CRYBA1: variants seen among roughly 807,000 people sequenced by gnomAD.
CRYBA1 encodes the protein beta-crystallin A3.
Under a neutral mutation model 36.2 loss-of-function variants are expected in CRYBA1, and 25 were observed. The ratio of observed to expected loss-of-function variants is 0.69; its 90% confidence interval spans 0.50 to 0.97. The LOEUF (loss-of-function observed/expected upper bound fraction) is 0.97. Among genes scored for constraint, CRYBA1 ranks in the 50% least tolerant of loss-of-function variants. The probability of loss-of-function intolerance (pLI) is 0.00; values close to 1 mark genes in which losing one functional copy is unlikely to be tolerated. For missense variants in CRYBA1, 224 were observed against 276.3 expected, an observed-to-expected ratio of 0.81 and a Z score of 1.34; for synonymous variants, 111 against 90.0, an observed-to-expected ratio of 1.23 and a Z score of -1.32.
intron 3 of CRYBA1, 89 bp from the exon 4 acceptor site, chr17:29,251,975 C>A (rs1314587688): frequency 1.3e-6 from 2 of 1,552,340 alleles, no homozygotes; most frequent in Non-Finnish European, 1.8e-6. Context: ...TTTTACCCCA[C>A]TATTGACTTA....
Position 29,254,445 on chromosome 17 carries a change from C to A in CRYBA1, c.*96C>A. 2 of 1,277,504 alleles carry A rather than the reference C, an allele frequency of 1.6e-6. No homozygotes were observed. The highest frequency in any genetic ancestry group is 2.3e-6 in the Non-Finnish European group (2 of 883,086). The allele number at this position is 1,277,504 out of a possible 1,614,324, so 79.1% of individuals were successfully genotyped here. ...ATGTTCTGCTCACAGACATTGCTTT[C>A]AAATGTTAGCTGCTGAAATCCACAA... is the stretch of plus-strand genomic sequence containing the variant. On this transcript the variant is annotated 3_prime_UTR_variant, in exon 6 of 6. Transcript: ENST00000225387.
chr17:29,249,230 A>C (rs1315104623), intron 2 of CRYBA1, 24 bp downstream of exon 2: 1 of 1,527,194 alleles, frequency 6.5e-7, no homozygotes, highest in Admixed American at 1.7e-5. Context: ...CATCACATCC[A>C]ACAGGGCAGG....
rs1157145388 is a variant in CRYBA1, at chr17:29,249,212, C to T, written c.96+6C>T. 1 of 1,597,204 alleles carries T rather than the reference C, an allele frequency of 6.3e-7. No homozygotes were observed. On this transcript the variant is annotated splice_donor_region_variant and intron_variant, in intron 2 of 5. Coordinates refer to ENST00000225387, the MANE Select transcript of CRYBA1 (RefSeq NM_005208.5). ...GGTCCCTGGGGCCATGGAAGGTAAG[C>T]CCACCCCCATCACATCCAACAGGGC...
chr17:29,247,692 C>A (rs1428551427), intron 1 of CRYBA1, among the ~76,000 whole-genome samples: 1 of 152,206 alleles, frequency 6.6e-6, no homozygotes, highest in Non-Finnish European at 1.5e-5. Flanking sequence ...GGACATCCAA[C>A]CAGAACACAG....
chr17:29,252,525 T>C (rs550471137), intron 4 of CRYBA1, among the ~76,000 whole-genome samples: 2 of 152,248 alleles, frequency 1.3e-5, no homozygotes, highest in Non-Finnish European at 2.9e-5. Context: ...CTTGGCCAGT[T>C]AAATTTCAAT....
At chr17:29,251,441 T>C (rs2153009574) in intron 3 of CRYBA1, among the ~76,000 whole-genome samples, 1 of 152,086 alleles carries the variant, frequency 6.6e-6, no homozygotes, top group East Asian at 1.9e-4. Context: ...CTTGCAACAG[T>C]CACTAGATCC....
chr17:29,247,810 A>G (rs2068909676), intron 1 of CRYBA1, among the ~76,000 whole-genome samples: 1 of 152,210 alleles, frequency 6.6e-6, no homozygotes, highest in Admixed American at 6.5e-5. Flanking sequence ...GGTAGGATCT[A>G]GGAGATAGAA....
rs2153009708 is a variant in CRYBA1 at position 29,253,736 on chromosome 17, G to C, written c.454G>C (p.Gly152Arg). 6.2e-7 allele frequency: 1 copy of C among 1,614,172 alleles called. No individual in the cohort carries two copies. The highest frequency in any genetic ancestry group is 8.5e-7 in the Non-Finnish European group (1 of 1,180,038). ...CGACTACCCCTCCTTGCAAGCCATG[G>C]GCTGGTTCAACAACGAAGTCGGCTC... ...SDDYPSLQAMGWFNNEVGSMK... is the reference protein window; with the variant it reads ...SDDYPSLQAMRWFNNEVGSMK... The change falls in exon 5 of 6, where the codon GGC becomes CGC. Residue 152 changes from glycine to arginine, a missense_variant. Transcript: ENST00000225387.
At position 29,252,606 on chromosome 17, in the gene CRYBA1, G is replaced by A. The variant is rs144895993; in HGVS notation, c.357+401G>A. Among the ~76,000 whole-genome samples the A allele has an allele frequency of 2.1e-3, 241 of 113,788 alleles. 1 individual carries two copies. The highest frequency in any genetic ancestry group is 3.9e-3 in the Non-Finnish European group (203 of 51,444). 74.6% of individuals were successfully genotyped at this position (113,788 alleles called of 152,430 possible). A position where few individuals can be genotyped will look rare whatever the true frequency, so the allele number is the denominator to read the frequency against. On this transcript the variant is annotated intron_variant, in intron 4 of 5. Coordinates refer to ENST00000225387, the MANE Select transcript of CRYBA1 (RefSeq NM_005208.5). ...CTTTCAGTAAGTGGGAATGACTGAC[G>A]AAATAGGCAAGTCTTCCAGTATCGA...
chr17:29,250,502 T>C (rs2068929406), intron 3 of CRYBA1, among the ~76,000 whole-genome samples: 1 of 152,122 alleles, frequency 6.6e-6, no homozygotes, highest in African/African-American at 2.4e-5. Context: ...AGTGGCTTGG[T>C]ACTAGATTTC....
chr17:29,248,844 T>C (rs1165649399), intron 1 of CRYBA1, among the ~76,000 whole-genome samples: 1 of 151,938 alleles, frequency 6.6e-6, no homozygotes, highest in Admixed American at 6.6e-5. Flanking sequence ...GGTGCATGCC[T>C]GTAGTCCCAG....
At chr17:29,248,887 G>C (rs1029535470) in intron 1 of CRYBA1, among the ~76,000 whole-genome samples, 1 of 152,032 alleles carries the variant, frequency 6.6e-6, no homozygotes, top group South Asian at 2.1e-4. Flanking sequence ...AGGATCACTT[G>C]AGCCCAGGAG....
rs2068948500 is a variant in CRYBA1, at chr17:29,253,513, G to A, written c.358-127G>A. The stretch of plus-strand genomic sequence containing the variant: ...GTAACTTTTTTCTCACAAATCTGTT[G>A]CCTTAATCTTTTTAAATTATCATGT... On this transcript the variant is annotated intron_variant, in intron 4 of 5. Transcript: ENST00000225387. 5 of 733,878 alleles carry A rather than the reference G, an allele frequency of 6.8e-6. No individual in the cohort carries two copies. The Admixed American group carries it at 8.7e-5, about 13-fold the overall frequency. 45.5% of individuals were successfully genotyped at this position (733,878 alleles called of 1,614,324 possible). A position where few individuals can be genotyped will look rare whatever the true frequency, so the allele number is the denominator to read the frequency against.
intron 5 of CRYBA1, 98 bp from the exon 6 acceptor site, chr17:29,254,104 A>G (rs2068953233): frequency 4.5e-6 from 6 of 1,340,966 alleles, no homozygotes; most frequent in Non-Finnish European, 6.3e-6. Context: ...GCCTAAAAGC[A>G]TCTCATACCA....
Position 29,253,845 on chromosome 17 carries a change from A to AT in CRYBA1, c.500+64dup, listed in dbSNP as rs1344083569. 2.8e-5 allele frequency: 44 copies of AT among 1,578,630 alleles called. 2 individuals carry two copies. The Admixed American group carries it at 7.1e-4, about 26-fold the overall frequency. ...AACTCCTGAGGTTGCATCAATAGTT[A>AT]TGTTTTAATCAGATTTCATACGTAT... is the stretch of plus-strand genomic sequence containing the variant. On this transcript the variant is annotated intron_variant, in intron 5 of 5. Coordinates refer to ENST00000225387, the MANE Select transcript of CRYBA1 (RefSeq NM_005208.5).
intron 4 of CRYBA1, 135 bp downstream of exon 4, chr17:29,252,340 A>C: frequency 7.9e-7 from 1 of 1,272,390 alleles, no homozygotes; most frequent in South Asian, 1.3e-5. Flanking sequence ...AAAAAGAGAA[A>C]ACATCACTTT....
intron 5 of CRYBA1, among the ~76,000 whole-genome samples, chr17:29,253,992 A>C (rs1364216668): frequency 6.6e-6 from 1 of 152,138 alleles, no homozygotes; most frequent in Non-Finnish European, 1.5e-5. Flanking sequence ...ATTTACGTTG[A>C]CTACTTATAC....
In CRYBA1 at chr17:29,247,132, G is replaced by C. The variant is rs548920481; in HGVS notation, c.31+238G>C. 2.0e-5 allele frequency among the ~76,000 whole-genome samples: 3 copies of C among 152,206 alleles called. No homozygotes were observed. The South Asian group carries it at 6.2e-4, about 32-fold the overall frequency. On this transcript the variant is annotated intron_variant, in intron 1 of 5. Coordinates refer to ENST00000225387, the MANE Select transcript of CRYBA1 (RefSeq NM_005208.5). ...GGATGGGCATGGGCCCCCAAGAAAC[G>C]AGCAGGGAGAAGGTATGGGAGCAGG...
chr17:29,253,562 G>GTT, intron 4 of CRYBA1, 78 bp from the exon 5 acceptor site: 1 of 1,226,206 alleles, frequency 8.2e-7, no homozygotes. Flanking sequence ...ATCCAAAAGT[G>GTT]TTTCAATTTT....
Sources: gnomAD v4.1 joint callset for allele counts (sites outside exome capture counted in the v4.1 genomes callset) on GRCh38, gnomAD v4.1.1 for gene constraint, MANE v1.5 for transcripts, NCBI Gene and HGNC (gene_info 2026-07-23, HGNC 2026-07-21) for gene names.